The following GZF1 variants were observed in gnomAD, a reference collection of about 807,000 sequenced individuals.
The protein encoded by GZF1 is GDNF-inducible zinc finger protein 1.
Under a neutral mutation model 49.4 loss-of-function variants are expected in GZF1, and 28 were observed. That is an observed-to-expected ratio of 0.57 (90% CI 0.42 to 0.78). GZF1 has a LOEUF of 0.78. GZF1 is among the 30% of genes least tolerant of loss of function. The pLI, the probability that GZF1 is intolerant of heterozygous loss-of-function variation, is 0.00. For missense variants in GZF1, 798 were observed against 916.2 expected (o/e 0.87, Z 1.67); for synonymous variants, 364 against 356.0 (o/e 1.02, Z -0.25).
chr20:23,365,314 GAGA>G lies in GZF1; in HGVS notation c.941_943del (p.Lys314del), dbSNP rs762970414. On this transcript the variant is annotated inframe_deletion, in exon 2 of 6. Transcript: ENST00000338121. ...GGAGGAGGAGGAGGACGAAGAAGGG[GAGA>G]AGAAGAAGAGCAACTTTAAGTGCAG... 526 of 1,608,420 alleles carry G rather than the reference GAGA, an allele frequency of 3.3e-4. No homozygotes were observed. Among genetic ancestry groups the G allele is most frequent in the Non-Finnish European group, 3.5e-4 (407 of 1,176,446 alleles).
At chr20:23,368,251 A>T (rs1163457209) in intron 3 of GZF1, among the ~76,000 whole-genome samples, 2 of 152,222 alleles carry the variant, frequency 1.3e-5, no homozygotes, top group Non-Finnish European at 2.9e-5. Flanking sequence ...GGCACAGCTA[A>T]TAATTTGGTA....
chr20:23,365,047 G>C lies in GZF1; in HGVS notation c.664G>C (p.Ala222Pro). ...ACCTCCCTACCCTAAAATCAGGAGA[G>C]CTAGTGGAAGGCTGGCTGGGAGGAA... is the stretch of plus-strand genomic sequence containing the variant. ...VKPPYPKIRR[A>P]SGRLAGRKVF... The change falls in exon 2 of 6, where the codon GCT becomes CCT. Residue 222 changes from alanine to proline, a missense_variant. Coordinates refer to ENST00000338121, the MANE Select transcript of GZF1 (RefSeq NM_022482.5). 3 of 1,614,114 alleles carry C rather than the reference G, an allele frequency of 1.9e-6. No individual in the cohort carries two copies. Among genetic ancestry groups the C allele is most frequent in the Non-Finnish European group, 2.5e-6 (3 of 1,180,042 alleles).
At chr20:23,362,502 G>T (rs1282280047) in intron 1 of GZF1, 1 of 153,560 alleles carries the variant, frequency 6.5e-6, no homozygotes, top group African/African-American at 2.4e-5. Flanking sequence ...CGGGCGCTGG[G>T]GCGGCCAAGT....
In GZF1 at chr20:23,367,114, TTG is replaced by T; in HGVS notation, c.1459+20_1459+21del. ...GTCACACAGGTAAATACTCATGCTGTTGTGATTGAATGTCTTTCCTAGATCTA... is the reference window on the plus strand; with the variant it reads ...GTCACACAGGTAAATACTCATGCTGTTGATTGAATGTCTTTCCTAGATCTA... On this transcript the variant is annotated intron_variant, in intron 3 of 5. Transcript: ENST00000338121. The T allele has an allele frequency of 6.6e-7, 1 of 1,508,898 alleles. No individual in the cohort carries two copies. Among genetic ancestry groups the T allele is most frequent in the Admixed American group, 1.7e-5 (1 of 59,610 alleles). The allele number at this position is 1,508,898 out of a possible 1,614,324, so 93.5% of individuals were successfully genotyped here.
intron 3 of GZF1, 52 bp from the exon 4 acceptor site, chr20:23,368,710 T>C: frequency 6.9e-7 from 1 of 1,454,952 alleles, no homozygotes; most frequent in African/African-American, 1.4e-5. Context: ...TACTGTTCCA[T>C]GTGTTTTTAA....
chr20:23,365,208 G>T lies in GZF1; in HGVS notation c.825G>T (p.Gln275His), dbSNP rs757313416. 5 of 1,601,544 alleles carry T rather than the reference G, an allele frequency of 3.1e-6. No individual in the cohort carries two copies. The highest frequency in any genetic ancestry group is 1.7e-6 in the Non-Finnish European group (2 of 1,173,506). Residue 275 changes from glutamine to histidine, a missense_variant, in exon 2 of 6, where the codon CAG becomes CAT. Physicochemically the swap from Gln to His is conservative, Grantham distance 24. Around this residue, in one of 3 missense-constraint regions of GZF1, gnomAD observed 247 missense variants for 228.5 expected, o/e 1.08. Transcript: ENST00000338121. ...ACAGGGTGGGCACGGAGATGGAGCA[G>T]GTTTCCAAAAATGAGGGTTGCCAGG... ...SPDRVGTEMEQVSKNEGCQAG... is the reference protein window; with the variant it reads ...SPDRVGTEMEHVSKNEGCQAG...
chr20:23,369,024 C>A, intron 4 of GZF1, 95 bp downstream of exon 4: 1 of 1,127,604 alleles, frequency 8.9e-7, no homozygotes, highest in Non-Finnish European at 1.2e-6. Flanking sequence ...TGGAACTAAG[C>A]TTTTGAAGAA....
chr20:23,365,196 G>C lies in GZF1; in HGVS notation c.813G>C (p.Thr271=). Residue 271 remains threonine (T), a synonymous_variant, in exon 2 of 6, where the codon ACG becomes ACC. Coordinates refer to ENST00000338121, the MANE Select transcript of GZF1 (RefSeq NM_022482.5). ...ACCAAAGCCCGGACAGGGTGGGCACGGAGATGGAGCAGGTTTCCAAAAATG... is the reference window on the plus strand; with the variant it reads ...ACCAAAGCCCGGACAGGGTGGGCACCGAGATGGAGCAGGTTTCCAAAAATG... ...PQDQSPDRVG[T]EMEQVSKNEG... 1 of 1,607,134 alleles carries C rather than the reference G, an allele frequency of 6.2e-7. No homozygotes were observed. Among genetic ancestry groups the C allele is most frequent in the African/African-American group, 1.3e-5 (1 of 74,624 alleles).
At chr20:23,369,945 T>C in intron 5 of GZF1, 146 bp from the exon 6 acceptor site, 3 of 874,246 alleles carry the variant, frequency 3.4e-6, no homozygotes. Flanking sequence ...CCATCCACGA[T>C]GACTACTCTG....
At position 23,371,224 on chromosome 20, in the gene GZF1, T is replaced by G. The variant is rs1036948420; in HGVS notation, c.*783T>G. The stretch of plus-strand genomic sequence containing the variant: ...AGAGTCTAGCAAAACAATATAGTAT[T>G]TTTTTGCAGAGGCATGAAAAATTAA... On this transcript the variant is annotated 3_prime_UTR_variant, in exon 6 of 6. Coordinates refer to ENST00000338121, the MANE Select transcript of GZF1 (RefSeq NM_022482.5). The G allele has an allele frequency of 6.6e-6, 1 of 152,670 alleles. No homozygotes were observed. Among genetic ancestry groups the G allele is most frequent in the Non-Finnish European group, 1.5e-5 (1 of 68,048 alleles). 9.5% of individuals were successfully genotyped at this position (152,670 alleles called of 1,614,324 possible). A position where few individuals can be genotyped will look rare whatever the true frequency, so the allele number is the denominator to read the frequency against.
Position 23,365,598 on chromosome 20 carries a change from G to A in GZF1, c.1215G>A (p.Glu405=), listed in dbSNP as rs1981243086. 1 of 1,608,558 alleles carries A rather than the reference G, an allele frequency of 6.2e-7. No homozygotes were observed. Among genetic ancestry groups the A allele is most frequent in the Non-Finnish European group, 8.5e-7 (1 of 1,179,498 alleles). Residue 405 remains glutamate, a synonymous_variant, in exon 2 of 6, where the codon GAG becomes GAA. Coordinates refer to ENST00000338121, the MANE Select transcript of GZF1 (RefSeq NM_022482.5). ...TGCAGGTGCATGAGGGCGGCGGCGA[G>A]CGGCACCGCTGCGGCCAGTGCGGCA... ...HVLQVHEGGG[E]RHRCGQCGKG... is the part of the protein sequence containing the mutation.
chr20:23,369,167 C>G (rs1490553410), intron 4 of GZF1, among the ~76,000 whole-genome samples: 4 of 152,166 alleles, frequency 2.6e-5, no homozygotes, highest in African/African-American at 9.7e-5. Flanking sequence ...GGAGTTTTTA[C>G]TGAAAAGGAC....
intron 1 of GZF1, among the ~76,000 whole-genome samples, chr20:23,363,793 A>T (rs1980969515): frequency 6.6e-6 from 1 of 152,250 alleles, no homozygotes; most frequent in Admixed American, 6.5e-5. Context: ...TCAGTAGAGT[A>T]ACAATAATTC....
At chr20:23,367,793 C>T (rs570061455) in intron 3 of GZF1, among the ~76,000 whole-genome samples, 1 of 152,320 alleles carries the variant, frequency 6.6e-6, no homozygotes, top group East Asian at 1.9e-4. Context: ...TGCTTCAGCA[C>T]AGTAACCCTG....
In GZF1 at chr20:23,369,665, C is replaced by A. The variant is rs1568589904; in HGVS notation, c.1709C>A (p.Thr570Lys). The stretch of plus-strand genomic sequence containing the variant: ...CTCCAGCGCCACCGCCGCATCCACA[C>A]AGGGGAGAGGCCATTCATGTGCAAT... ...NALQRHRRIH[T>K]GERPFMCNAC... The change falls in exon 5 of 6, where the codon ACA becomes AAA. Residue 570 changes from threonine to lysine, a missense_variant. By Grantham distance (78) the Thr-to-Lys change is moderately conservative (BLOSUM62 -1). Transcript: ENST00000338121. 1 of 1,614,194 alleles carries A rather than the reference C, an allele frequency of 6.2e-7. No homozygotes were observed. Among genetic ancestry groups the A allele is most frequent in the South Asian group, 1.1e-5 (1 of 91,086 alleles).
Position 23,365,433 on chromosome 20 carries a change from C to T in GZF1, c.1050C>T (p.Cys350=), listed in dbSNP as rs374847641. 19 of 1,613,604 alleles carry T rather than the reference C, an allele frequency of 1.2e-5. No individual in the cohort carries two copies. The highest frequency in any genetic ancestry group is 2.2e-5 in the East Asian group (1 of 44,888). The change falls in exon 2 of 6, where the codon TGC becomes TGT. Residue 350 remains cysteine (C), a synonymous_variant. Coordinates refer to ENST00000338121, the MANE Select transcript of GZF1 (RefSeq NM_022482.5). ...HGVATEVVYR[C]DTCGQTFANR... ...TGGCCACCGAGGTGGTGTACCGCTG[C>T]GACACCTGCGGCCAGACCTTCGCCA...
chr20:23,369,817 T>A, intron 5 of GZF1, 76 bp downstream of exon 5: 2 of 1,472,548 alleles, frequency 1.4e-6, no homozygotes, highest in Non-Finnish European at 1.9e-6. Flanking sequence ...CCTACCACCA[T>A]TCTCCAAGGT....
chr20:23,365,739 G>A lies in GZF1; in HGVS notation c.1356G>A (p.Thr452=), dbSNP rs779583901. The stretch of plus-strand genomic sequence containing the variant: ...TCTCGCAGCCGTCCGCGCTCAAGAC[G>A]CACATGAGGTACGCGGGGAGCCGTC... ...ARFSQPSALK[T]HMRIHTGEKP... Residue 452 remains threonine (T), a synonymous_variant, in exon 2 of 6, where the codon ACG becomes ACA. Coordinates refer to ENST00000338121, the MANE Select transcript of GZF1 (RefSeq NM_022482.5). 115 of 1,536,426 alleles carry A rather than the reference G, an allele frequency of 7.5e-5. No individual in the cohort carries two copies. Among genetic ancestry groups the A allele is most frequent in the Non-Finnish European group, 1.0e-4 (115 of 1,146,658 alleles).
chr20:23,362,433 T>G (rs371133253), intron 1 of GZF1, 196 bp downstream of exon 1: 1 of 152,504 alleles, frequency 6.6e-6, no homozygotes, highest in South Asian at 2.1e-4. Flanking sequence ...GAGGAGGGGC[T>G]TCTCTGTGGC....
Sources: gnomAD v4.1 joint callset for allele counts (sites outside exome capture counted in the v4.1 genomes callset) on GRCh38, gnomAD v4.1.1 for gene constraint, gnomAD v4.1.1 regional missense constraint, MANE v1.5 for transcripts, NCBI Gene and HGNC (gene_info 2026-07-23, HGNC 2026-07-21) for gene names.